BTBD9: variants seen among roughly 807,000 people sequenced by gnomAD.
BTBD9 encodes BTB domain containing 9.
In BTBD9, 49 loss-of-function variants were observed where a neutral mutation model predicts 64.3. The ratio of observed to expected loss-of-function variants is 0.76; its 90% confidence interval spans 0.61 to 0.97. The LOEUF (loss-of-function observed/expected upper bound fraction) is 0.97, where lower values mean the gene tolerates loss of function less well. BTBD9 is among the 50% of genes least tolerant of loss of function. The probability of loss-of-function intolerance (pLI) is 0.00; values close to 1 mark genes in which losing one functional copy is unlikely to be tolerated. For missense variants in BTBD9, 598 were observed against 762.1 expected (o/e 0.78, Z 2.53); for synonymous variants, 260 against 274.7 (o/e 0.95, Z 0.53).
At chr6:38,632,302 T>C (rs1306949039) in intron 1 of BTBD9, among the ~76,000 whole-genome samples, 1 of 152,242 alleles carries the variant, frequency 6.6e-6, no homozygotes, top group East Asian at 1.9e-4. Context: ...ATAGTTACAG[T>C]CTATATTTCC....
chr6:38,434,645 T>A (rs1278280368), intron 6 of BTBD9, among the ~76,000 whole-genome samples: 1 of 151,874 alleles, frequency 6.6e-6, no homozygotes, highest in African/African-American at 2.4e-5. Flanking sequence ...TCAGAATAAA[T>A]CTCTTCAAAT....
At chr6:38,343,607 A>G (rs60148639) in intron 7 of BTBD9, among the ~76,000 whole-genome samples, 5,113 of 152,228 alleles carry the variant, frequency 0.034, 209 homozygotes, top group African/African-American at 0.1. Context: ...CATCACCACA[A>G]TTCTGTACAG....
At chr6:38,396,849 T>C (rs1242395129) in intron 6 of BTBD9, among the ~76,000 whole-genome samples, 3 of 152,158 alleles carry the variant, frequency 2.0e-5, no homozygotes, top group Non-Finnish European at 2.9e-5. Context: ...GAATATATTG[T>C]TTAAATAAAA....
chr6:38,418,462 G>A (rs2127271857), intron 6 of BTBD9, among the ~76,000 whole-genome samples: 1 of 152,298 alleles, frequency 6.6e-6, no homozygotes, highest in East Asian at 1.9e-4. Flanking sequence ...GAATGTATGT[G>A]TGTACCAAGA....
intron 6 of BTBD9, among the ~76,000 whole-genome samples, chr6:38,407,221 T>G (rs1325478762): frequency 6.6e-6 from 1 of 152,274 alleles, no homozygotes; most frequent in African/African-American, 2.4e-5. Flanking sequence ...GCAACACATC[T>G]GTTGATCACA....
chr6:38,218,940 A>C (rs1763100585), intron 9 of BTBD9, among the ~76,000 whole-genome samples: 1 of 152,102 alleles, frequency 6.6e-6, no homozygotes, highest in African/African-American at 2.4e-5. Flanking sequence ...TCTCCAGTAT[A>C]CTTTTTTGGA....
In BTBD9 at chr6:38,169,496, A is replaced by G. The variant is rs1766658848; in HGVS notation, c.*5489T>C. ...TTTGGCAGCAGACGGACTAATATCA[A>G]CGTCTCCAGTGACCCAGGGCCCAGT... On this transcript the variant is annotated 3_prime_UTR_variant, in exon 11 of 11. Coordinates refer to ENST00000481247, the MANE Select transcript of BTBD9 (RefSeq NM_001099272.2). The G allele has an allele frequency of 6.6e-6, 1 of 152,280 alleles. No individual in the cohort carries two copies. The highest frequency in any genetic ancestry group is 6.5e-5 in the Admixed American group (1 of 15,286). 9.4% of individuals were successfully genotyped at this position (152,280 alleles called of 1,614,324 possible).
intron 10 of BTBD9, among the ~76,000 whole-genome samples, chr6:38,190,908 C>T (rs1762047951): frequency 6.6e-6 from 1 of 152,152 alleles, no homozygotes; most frequent in East Asian, 1.9e-4. Flanking sequence ...TTGAGAATTC[C>T]TTCTGTTATA....
intron 9 of BTBD9, among the ~76,000 whole-genome samples, chr6:38,249,705 G>C (rs886390581): frequency 2.0e-5 from 3 of 151,236 alleles, no homozygotes; most frequent in East Asian, 3.9e-4. Flanking sequence ...CAACTGTCTG[G>C]GAGCTATTCT....
chr6:38,179,520 G>T, intron 10 of BTBD9: 1 of 456,768 alleles, frequency 2.2e-6, no homozygotes. Flanking sequence ...GACTCTCACA[G>T]ACCCTTTCCC....
intron 6 of BTBD9, among the ~76,000 whole-genome samples, chr6:38,538,733 G>A (rs562205549): frequency 1.3e-5 from 2 of 151,904 alleles, no homozygotes; most frequent in Non-Finnish European, 2.9e-5. Flanking sequence ...TTAGTCTCCA[G>A]AGTAGCTGGG....
chr6:38,168,719 G>C lies in BTBD9; in HGVS notation c.*6266C>G, dbSNP rs1028228967. Reference sequence around the variant, plus strand: ...TGGTCCCTGCCCTTGCATCAGAGTGGCCTGGGAGGTACACACATCTTTACA... The same window carrying C: ...TGGTCCCTGCCCTTGCATCAGAGTGCCCTGGGAGGTACACACATCTTTACA... On this transcript the variant is annotated 3_prime_UTR_variant, in exon 11 of 11. Coordinates refer to ENST00000481247, the MANE Select transcript of BTBD9 (RefSeq NM_001099272.2). The C allele has an allele frequency of 6.6e-6, 1 of 152,278 alleles. No homozygotes were observed. Among genetic ancestry groups the C allele is most frequent in the Admixed American group, 6.5e-5 (1 of 15,288 alleles). The allele number at this position is 152,278 out of a possible 1,614,324, so 9.4% of individuals were successfully genotyped here.
chr6:38,269,839 A>C (rs1765139865), intron 8 of BTBD9, among the ~76,000 whole-genome samples: 1 of 152,184 alleles, frequency 6.6e-6, no homozygotes, highest in Non-Finnish European at 1.5e-5. Flanking sequence ...GCCTTTCTAG[A>C]AATAACCCTC....
chr6:38,355,658 T>G (rs1228187697), intron 6 of BTBD9, among the ~76,000 whole-genome samples: 1 of 152,244 alleles, frequency 6.6e-6, no homozygotes, highest in Non-Finnish European at 1.5e-5. Flanking sequence ...TAATAGTCGT[T>G]GCTACTGCTG....
In BTBD9 at chr6:38,430,092, A is replaced by G. The variant is rs527974971; in HGVS notation, c.1155-84999T>C. On this transcript the variant is annotated intron_variant, in intron 6 of 10. Transcript: ENST00000481247. ...CTCCTTACTGAAGAAAAGTAAAGTAAGGTAGGAGATTATAATTCTGTTTTG... is the reference window on the plus strand; with the variant it reads ...CTCCTTACTGAAGAAAAGTAAAGTAGGGTAGGAGATTATAATTCTGTTTTG... 6.6e-5 allele frequency among the ~76,000 whole-genome samples: 10 copies of G among 152,170 alleles called. No homozygotes were observed. The South Asian group carries it at 2.1e-3, about 32-fold the overall frequency.
intron 8 of BTBD9, among the ~76,000 whole-genome samples, chr6:38,283,794 G>C (rs1761613329): frequency 6.6e-6 from 1 of 152,172 alleles, no homozygotes; most frequent in Admixed American, 6.5e-5. Context: ...CTCTCCCTCT[G>C]GTGTTGATGC....
intron 6 of BTBD9, among the ~76,000 whole-genome samples, chr6:38,505,529 CAGA>C (rs1167481777): frequency 4.6e-5 from 7 of 151,570 alleles, no homozygotes; most frequent in African/African-American, 1.7e-4. Context: ...GAGGCAGAGG[CAGA>C]AGAATTGCTT....
intron 6 of BTBD9, among the ~76,000 whole-genome samples, chr6:38,366,734 G>A (rs1175154435): frequency 6.6e-6 from 1 of 152,164 alleles, no homozygotes; most frequent in Non-Finnish European, 1.5e-5. Context: ...AATGGTGATC[G>A]ATCTTATAGG....
At chr6:38,342,667 T>C (rs545567961) in intron 7 of BTBD9, among the ~76,000 whole-genome samples, 3 of 152,024 alleles carry the variant, frequency 2.0e-5, no homozygotes, top group Non-Finnish European at 2.9e-5. Flanking sequence ...GGAGTGCATA[T>C]TTCACAGGAT....
Sources: allele counts gnomAD v4.1 joint callset (sites outside exome capture counted in the v4.1 genomes callset), GRCh38; gene constraint gnomAD v4.1.1; transcripts MANE v1.5; gene names NCBI Gene and HGNC (gene_info 2026-07-23, HGNC 2026-07-21).